Variants in ARFGEF2 observed in about 807,000 individuals in gnomAD.
ARFGEF2 encodes ARF guanine nucleotide exchange factor 2.
Under a neutral mutation model 219.9 loss-of-function variants are expected in ARFGEF2, and 74 were observed. The observed-to-expected ratio is 0.34, with a 90% confidence interval of 0.28 to 0.41. The LOEUF is 0.41. Ranked by LOEUF, ARFGEF2 falls within the 10% of genes least tolerant of loss-of-function variation. The pLI, the probability that ARFGEF2 is intolerant of heterozygous loss-of-function variation, is 1.00. For synonymous variants in ARFGEF2, 733 were observed against 799.2 expected (o/e 0.92, Z 1.40); for missense variants, 1,743 against 2,218.3 (o/e 0.79, Z 4.30).
At chr20:48,950,811 A>AAAAATATAT (rs1176537072) in intron 3 of ARFGEF2, among the ~76,000 whole-genome samples, 6 of 64,510 alleles carry the variant, frequency 9.3e-5, no homozygotes, top group Non-Finnish European at 1.3e-4. Context: ...AAAAAAAAAA[A>AAAAATATAT]ATATATATAT....
Position 48,994,527 on chromosome 20 carries a change from C to T in ARFGEF2, c.3050C>T (p.Ser1017Phe). The T allele has an allele frequency of 6.2e-7, 1 of 1,614,128 alleles. No homozygotes were observed. The highest frequency in any genetic ancestry group is 8.5e-7 in the Non-Finnish European group (1 of 1,180,038). ...GTGAAGACGCGCTACCTGTCTGGAT[C>T]TGGGCGTGAAAGAGAAGGGAGCCTG... ...TGVKTRYLSG[S>F]GREREGSLKG... is the part of the protein sequence containing the mutation. The change falls in exon 22 of 39, where the codon TCT becomes TTT. Residue 1017 changes from serine (S) to phenylalanine (F), a missense_variant. Around this residue, in one of 5 missense-constraint regions of ARFGEF2, gnomAD observed 666 missense variants for 955.4 expected, o/e 0.70. Coordinates refer to ENST00000371917, the MANE Select transcript of ARFGEF2 (RefSeq NM_006420.3).
At chr20:49,030,998 A>G (rs892959936) in intron 37 of ARFGEF2, among the ~76,000 whole-genome samples, 4 of 152,074 alleles carry the variant, frequency 2.6e-5, no homozygotes, top group Non-Finnish European at 5.9e-5. Context: ...GTCTCAAAAT[A>G]AAAAAAAGAG....
chr20:48,994,379 AACTT>A lies in ARFGEF2; in HGVS notation c.2974-70_2974-67del, dbSNP rs1316180312. The stretch of plus-strand genomic sequence containing the variant: ...TTGAACCAACTTTTTTTTAATGACT[AACTT>A]AAGATTACAGTGCCCTTTTTCTAGC... On this transcript the variant is annotated intron_variant, in intron 21 of 38. Transcript: ENST00000371917. 3 of 1,593,840 alleles carry A rather than the reference AACTT, an allele frequency of 1.9e-6. No individual in the cohort carries two copies. The African/African-American group carries it at 4.0e-5, about 21-fold the overall frequency.
rs547547509 is a variant in ARFGEF2, at chr20:49,024,751, G to C, written c.4756-562G>C. Among the ~76,000 whole-genome samples, 24 of 152,306 alleles carry C rather than the reference G, an allele frequency of 1.6e-4. No individual in the cohort carries two copies. The South Asian group carries it at 5.0e-3, about 32-fold the overall frequency. On this transcript the variant is annotated intron_variant, in intron 35 of 38. Transcript: ENST00000371917. ...GCAGTGGCTCACGCCTGTAATCCCA[G>C]CACTTTGGGAGGCCGAGGCAGGCGG...
chr20:48,943,153 GT>G (rs892252161), intron 3 of ARFGEF2, among the ~76,000 whole-genome samples: 13 of 152,140 alleles, frequency 8.5e-5, no homozygotes, highest in African/African-American at 3.1e-4. Flanking sequence ...AAAGATACTT[GT>G]TTTCAGTAGG....
intron 37 of ARFGEF2, among the ~76,000 whole-genome samples, chr20:49,031,439 G>A (rs1005944165): frequency 6.6e-6 from 1 of 151,794 alleles, no homozygotes; most frequent in Non-Finnish European, 1.5e-5. Context: ...TACATTGGCC[G>A]GGCTGTCTCG....
At chr20:48,974,653 C>T in intron 12 of ARFGEF2, 113 bp from the exon 13 acceptor site, 1 of 796,516 alleles carries the variant, frequency 1.3e-6, no homozygotes, top group Admixed American at 2.0e-5. Flanking sequence ...CTTAATAGCA[C>T]TGACTGTCAG....
intron 10 of ARFGEF2, among the ~76,000 whole-genome samples, chr20:48,971,762 G>A (rs1380332305): frequency 4.6e-5 from 7 of 152,018 alleles, no homozygotes; most frequent in African/African-American, 1.2e-4. Flanking sequence ...TTAGCCAGGC[G>A]TGGTGGCAGG....
chr20:49,031,759 C>CA (rs1173941928), intron 37 of ARFGEF2, among the ~76,000 whole-genome samples: 3 of 151,346 alleles, frequency 2.0e-5, no homozygotes, highest in African/African-American at 7.3e-5. Context: ...TACTAAAAAT[C>CA]AAAAAAATTA....
In ARFGEF2 at chr20:48,970,536, G is replaced by A. The variant is rs373615456; in HGVS notation, c.1191-584G>A. On this transcript the variant is annotated intron_variant, in intron 9 of 38. Transcript: ENST00000371917. ...GAGGCAGGAGAATCGCTTGAACCCA[G>A]GAGACGGAGGTTGCAGTGAGCCGAG... Among the ~76,000 whole-genome samples, 14 of 152,252 alleles carry A rather than the reference G, an allele frequency of 9.2e-5. 1 individual carries two copies. Among genetic ancestry groups the A allele is most frequent in the East Asian group, 7.7e-4 (4 of 5,186 alleles).
intron 16 of ARFGEF2, among the ~76,000 whole-genome samples, chr20:48,987,380 A>G (rs1310167362): frequency 6.6e-6 from 1 of 152,232 alleles, no homozygotes; most frequent in African/African-American, 2.4e-5. Flanking sequence ...CTGTACATCC[A>G]CATGTTGTCC....
intron 1 of ARFGEF2, among the ~76,000 whole-genome samples, chr20:48,926,980 GC>G (rs1448444389): frequency 1.3e-5 from 2 of 152,164 alleles, no homozygotes; most frequent in African/African-American, 4.8e-5. Context: ...CTTAGCTTGA[GC>G]TTTTTTGATG....
At chr20:48,933,467 C>T (rs991318158) in intron 1 of ARFGEF2, among the ~76,000 whole-genome samples, 1 of 152,016 alleles carries the variant, frequency 6.6e-6, no homozygotes, top group Non-Finnish European at 1.5e-5. Flanking sequence ...GTGTTCCTGC[C>T]TCCCTGGGTT....
At chr20:48,954,039 C>T (rs2091090824) in intron 6 of ARFGEF2, among the ~76,000 whole-genome samples, 1 of 152,226 alleles carries the variant, frequency 6.6e-6, no homozygotes, top group South Asian at 2.1e-4. Context: ...TTCTTCATGT[C>T]AGCCTCAGTG....
intron 1 of ARFGEF2, among the ~76,000 whole-genome samples, chr20:48,923,868 C>T (rs755448803): frequency 2.6e-5 from 4 of 152,160 alleles, no homozygotes; most frequent in Admixed American, 6.5e-5. Flanking sequence ...TAGATATTTT[C>T]GGATCGTATC....
chr20:49,031,624 C>T (rs2123586390), intron 37 of ARFGEF2, among the ~76,000 whole-genome samples: 1 of 152,148 alleles, frequency 6.6e-6, no homozygotes, highest in South Asian at 2.1e-4. Flanking sequence ...ATAGTTATTG[C>T]AGTGGCTGGG....
chr20:48,973,627 C>T (rs553821748), intron 12 of ARFGEF2, among the ~76,000 whole-genome samples: 4 of 152,194 alleles, frequency 2.6e-5, no homozygotes, highest in South Asian at 2.1e-4. Context: ...CCAAAGATAG[C>T]GTGGAAAACA....
intron 6 of ARFGEF2, among the ~76,000 whole-genome samples, chr20:48,960,035 G>A (rs927181160): frequency 2.0e-5 from 3 of 152,204 alleles, no homozygotes; most frequent in Non-Finnish European, 4.4e-5. Flanking sequence ...TCGCAGTCAT[G>A]CATTGCTTAA....
At chr20:48,974,230 A>T (rs2091246807) in intron 12 of ARFGEF2, among the ~76,000 whole-genome samples, 1 of 140,364 alleles carries the variant, frequency 7.1e-6, no homozygotes, top group Non-Finnish European at 1.5e-5. Context: ...GGTTCAAGTG[A>T]TTCTCCTGCC....
Sources: allele counts gnomAD v4.1 joint callset (sites outside exome capture counted in the v4.1 genomes callset), GRCh38; gene constraint gnomAD v4.1.1; regional missense constraint gnomAD v4.1.1; transcripts MANE v1.5; gene names NCBI Gene and HGNC (gene_info 2026-07-23, HGNC 2026-07-21).